Variants in EPHA6 observed in about 807,000 individuals in gnomAD.
EPHA6 encodes ephrin type-A receptor 6.
In EPHA6, 50 loss-of-function variants were observed where a neutral mutation model predicts 112.0. The observed-to-expected ratio is 0.45, with a 90% CI of 0.36 to 0.56. The LOEUF (loss-of-function observed/expected upper bound fraction) is 0.56. EPHA6 is among the 20% of genes least tolerant of loss of function. The probability of loss-of-function intolerance (pLI) is 0.00; values close to 1 mark genes in which losing one functional copy is unlikely to be tolerated. For synonymous variants in EPHA6, 529 were observed against 490.7 expected (o/e 1.08, Z -1.03); for missense variants, 1,280 against 1,417.4 (o/e 0.90, Z 1.56).
intron 14 of EPHA6, among the ~76,000 whole-genome samples, chr3:97,679,914 AC>A: frequency 6.6e-6 from 1 of 152,258 alleles, no homozygotes; most frequent in South Asian, 2.1e-4. Context: ...TGACCAGGCA[AC>A]CTTTTGCTTG....
chr3:97,010,980 G>A (rs541596640), intron 3 of EPHA6, among the ~76,000 whole-genome samples: 39 of 151,746 alleles, frequency 2.6e-4, no homozygotes, highest in Admixed American at 2.1e-3. Context: ...TATGTGGTGC[G>A]TGTGTGTGTG....
chr3:97,169,281 G>A (rs2076626551), intron 3 of EPHA6, among the ~76,000 whole-genome samples: 1 of 152,140 alleles, frequency 6.6e-6, no homozygotes, highest in African/African-American at 2.4e-5. Context: ...CATCACATGT[G>A]CTGAGGCTAG....
At chr3:97,491,773 C>G (rs1311371562) in intron 10 of EPHA6, among the ~76,000 whole-genome samples, 1 of 151,840 alleles carries the variant, frequency 6.6e-6, no homozygotes, top group Non-Finnish European at 1.5e-5. Flanking sequence ...AATGTCGGCC[C>G]TGTGAGTTGT....
intron 10 of EPHA6, among the ~76,000 whole-genome samples, chr3:97,514,584 G>C (rs1419472999): frequency 6.6e-6 from 1 of 152,110 alleles, no homozygotes; most frequent in East Asian, 1.9e-4. Flanking sequence ...ATGGGTTTTA[G>C]GAGATTCTCT....
intron 3 of EPHA6, among the ~76,000 whole-genome samples, chr3:97,163,659 G>A (rs1369421938): frequency 1.3e-5 from 2 of 152,136 alleles, no homozygotes; most frequent in African/African-American, 4.8e-5. Flanking sequence ...TCCCATAGGA[G>A]ACCATTACAG....
intron 1 of EPHA6, among the ~76,000 whole-genome samples, chr3:96,828,951 TA>T (rs1486741452): frequency 6.6e-6 from 1 of 152,160 alleles, no homozygotes; most frequent in East Asian, 1.9e-4. Flanking sequence ...AGAGATAATG[TA>T]AAAATAATGA....
At chr3:97,276,554 G>A (rs1006410367) in intron 5 of EPHA6, among the ~76,000 whole-genome samples, 2 of 152,138 alleles carry the variant, frequency 1.3e-5, no homozygotes, top group Admixed American at 1.3e-4. Context: ...CATAGTGGAG[G>A]CAAGGAATTG....
chr3:97,189,747 A>G (rs2077250837), intron 3 of EPHA6, among the ~76,000 whole-genome samples: 1 of 152,092 alleles, frequency 6.6e-6, no homozygotes, highest in Non-Finnish European at 1.5e-5. Flanking sequence ...ACTTTTCTTC[A>G]TTTCAAATTG....
At chr3:96,941,155 T>G (rs981068760) in intron 2 of EPHA6, among the ~76,000 whole-genome samples, 3 of 152,182 alleles carry the variant, frequency 2.0e-5, no homozygotes, top group Non-Finnish European at 4.4e-5. Context: ...TGCCTTGCTA[T>G]ATTTGGGAAG....
intron 10 of EPHA6, among the ~76,000 whole-genome samples, chr3:97,500,948 T>C (rs1684656633): frequency 1.3e-5 from 2 of 152,140 alleles, no homozygotes; most frequent in Non-Finnish European, 2.9e-5. Flanking sequence ...TTTTTTCTAG[T>C]TCTAAAGTAC....
chr3:97,261,320 A>C (rs1034146444), intron 5 of EPHA6, among the ~76,000 whole-genome samples: 4 of 152,198 alleles, frequency 2.6e-5, no homozygotes, highest in Non-Finnish European at 4.4e-5. Flanking sequence ...TATATGGTAG[A>C]TGAGGTGAGA....
chr3:97,227,188 C>A (rs1324667841), intron 4 of EPHA6, among the ~76,000 whole-genome samples: 2 of 147,318 alleles, frequency 1.4e-5, no homozygotes, highest in African/African-American at 5.0e-5. Context: ...AAACAAAAAA[C>A]ACAATATATA....
At chr3:96,831,823 T>C (rs2034101749) in intron 1 of EPHA6, among the ~76,000 whole-genome samples, 2 of 152,058 alleles carry the variant, frequency 1.3e-5, no homozygotes, top group Admixed American at 1.3e-4. Context: ...AATTGAAGAA[T>C]ATCTTAGAAA....
chr3:97,435,476 G>T (rs773366501), intron 6 of EPHA6, among the ~76,000 whole-genome samples: 17 of 152,228 alleles, frequency 1.1e-4, no homozygotes, highest in Non-Finnish European at 2.4e-4. Flanking sequence ...TTCCACAAAT[G>T]AGTTTTTTCA....
At chr3:97,403,779 T>G (rs543673384) in intron 5 of EPHA6, among the ~76,000 whole-genome samples, 1 of 152,230 alleles carries the variant, frequency 6.6e-6, no homozygotes, top group Admixed American at 6.5e-5. Context: ...TATAATATTT[T>G]TATATTACAA....
At chr3:96,994,827 G>A (rs979897743) in intron 3 of EPHA6, among the ~76,000 whole-genome samples, 1 of 148,746 alleles carries the variant, frequency 6.7e-6, no homozygotes, top group Non-Finnish European at 1.5e-5. Flanking sequence ...GAGAGAGAGA[G>A]AGCTATATAT....
intron 3 of EPHA6, among the ~76,000 whole-genome samples, chr3:96,998,690 T>G (rs111397372): frequency 6.6e-6 from 1 of 151,912 alleles, no homozygotes; most frequent in South Asian, 2.1e-4. Flanking sequence ...ATCTGATGTG[T>G]CTGGGTGTGG....
At chr3:97,593,879 G>A (rs764251233) in intron 12 of EPHA6, among the ~76,000 whole-genome samples, 39 of 152,114 alleles carry the variant, frequency 2.6e-4, no homozygotes, top group Non-Finnish European at 4.7e-4. Flanking sequence ...AAAATTACAC[G>A]AGTTAAAAGA....
At chr3:96,836,919 G>T (rs1002983778) in intron 1 of EPHA6, among the ~76,000 whole-genome samples, 13 of 152,112 alleles carry the variant, frequency 8.5e-5, no homozygotes, top group African/African-American at 3.1e-4. Context: ...CCCCTATGAG[G>T]TAGATACCAT....
Sources: allele counts gnomAD v4.1 joint callset (sites outside exome capture counted in the v4.1 genomes callset), GRCh38; gene constraint gnomAD v4.1.1; transcripts MANE v1.5; gene names NCBI Gene and HGNC (gene_info 2026-07-23, HGNC 2026-07-21).